The following FMN1 variants were observed in gnomAD, a reference collection of about 807,000 sequenced individuals.
The protein encoded by FMN1 is formin 1.
Under a neutral mutation model 132.4 loss-of-function variants are expected in FMN1, and 110 were observed. That is an observed-to-expected ratio of 0.83 (90% CI 0.71 to 0.97). The LOEUF (loss-of-function observed/expected upper bound fraction) is 0.97. FMN1 is among the 50% of genes least tolerant of loss of function. FMN1 has a pLI of 0.00. For synonymous variants in FMN1, 722 were observed against 651.7 expected (o/e 1.11, Z -1.64); for missense variants, 1,792 against 1,705.3 (o/e 1.05, Z -0.90).
At chr15:32,826,682 T>C (rs2058375232) in intron 17 of FMN1, among the ~76,000 whole-genome samples, 1 of 152,212 alleles carries the variant, frequency 6.6e-6, no homozygotes, top group Non-Finnish European at 1.5e-5. Context: ...CATACCCACC[T>C]AGGAGTTTGC....
At chr15:32,981,958 G>A (rs529030850) in intron 7 of FMN1, among the ~76,000 whole-genome samples, 15 of 151,904 alleles carry the variant, frequency 9.9e-5, no homozygotes, top group African/African-American at 3.1e-4. Flanking sequence ...AGCCACACAG[G>A]GAAAAAATGT....
At chr15:33,140,418 T>G (rs138586594) in intron 4 of FMN1, among the ~76,000 whole-genome samples, 1 of 152,344 alleles carries the variant, frequency 6.6e-6, no homozygotes, top group East Asian at 1.9e-4. Flanking sequence ...GTTCAGATCC[T>G]GTTTTGAAGG....
chr15:33,168,334 T>C (rs900351169), intron 3 of FMN1, among the ~76,000 whole-genome samples: 1 of 152,248 alleles, frequency 6.6e-6, no homozygotes, highest in Non-Finnish European at 1.5e-5. Context: ...GTTAACAGAT[T>C]GTGTTTATTA....
intron 17 of FMN1, among the ~76,000 whole-genome samples, chr15:32,826,165 AGT>A (rs2058360853): frequency 6.6e-6 from 1 of 152,160 alleles, no homozygotes; most frequent in South Asian, 2.1e-4. Flanking sequence ...GGGTCCCTAG[AGT>A]GTTTCTCAGA....
chr15:33,073,161 C>T (rs549912910), intron 5 of FMN1, among the ~76,000 whole-genome samples: 1 of 152,252 alleles, frequency 6.6e-6, no homozygotes, highest in East Asian at 1.9e-4. Context: ...CGCTATTACT[C>T]AGTTTGGATA....
chr15:32,812,350 T>A (rs534865196), intron 17 of FMN1, among the ~76,000 whole-genome samples: 2 of 152,340 alleles, frequency 1.3e-5, no homozygotes, highest in African/African-American at 4.8e-5. Context: ...GGCTGAGTAC[T>A]CCTTATCTGA....
chr15:33,052,480 T>C (rs577274621), intron 6 of FMN1, among the ~76,000 whole-genome samples: 2 of 152,358 alleles, frequency 1.3e-5, no homozygotes, highest in South Asian at 4.1e-4. Flanking sequence ...GTCTGATGTC[T>C]TTTTCTGACA....
intron 17 of FMN1, among the ~76,000 whole-genome samples, chr15:32,815,786 T>C (rs1228552035): frequency 6.6e-6 from 1 of 152,204 alleles, no homozygotes; most frequent in Non-Finnish European, 1.5e-5. Flanking sequence ...GTGGTAATGA[T>C]GGTGATGAAC....
intron 6 of FMN1, among the ~76,000 whole-genome samples, chr15:33,027,503 C>T (rs2035735882): frequency 6.6e-6 from 1 of 152,164 alleles, no homozygotes; most frequent in Admixed American, 6.6e-5. Flanking sequence ...TACATTTGCA[C>T]ACAGGTGGAA....
At chr15:33,134,034 G>C (rs941977752) in intron 4 of FMN1, among the ~76,000 whole-genome samples, 4 of 152,112 alleles carry the variant, frequency 2.6e-5, no homozygotes, top group African/African-American at 9.7e-5. Flanking sequence ...GCTCACTGCA[G>C]CCTTGAACTC....
chr15:32,988,282 G>C (rs191203871), intron 7 of FMN1, among the ~76,000 whole-genome samples: 5 of 152,124 alleles, frequency 3.3e-5, no homozygotes, highest in African/African-American at 7.2e-5. Context: ...CAGAGATAAA[G>C]CGTTGGGGAA....
intron 8 of FMN1, among the ~76,000 whole-genome samples, chr15:32,967,387 C>G (rs2031342446): frequency 6.6e-6 from 1 of 152,192 alleles, no homozygotes; most frequent in Non-Finnish European, 1.5e-5. Flanking sequence ...ACACACTCGT[C>G]CAGGGCTTAC....
intron 4 of FMN1, among the ~76,000 whole-genome samples, 164 bp from the exon 5 acceptor site, chr15:33,089,138 G>A (rs553354553): frequency 2.6e-5 from 4 of 151,982 alleles, no homozygotes; most frequent in South Asian, 4.2e-4. Context: ...TATTTCTCCC[G>A]ACAATTTCTA....
chr15:33,128,442 T>G (rs1472678966), intron 4 of FMN1, among the ~76,000 whole-genome samples: 2 of 152,180 alleles, frequency 1.3e-5, no homozygotes, highest in African/African-American at 4.8e-5. Context: ...CCTAAAAGAA[T>G]TTTTATTCCT....
chr15:32,893,369 CGT>C (rs148715603), intron 15 of FMN1, among the ~76,000 whole-genome samples: 28,481 of 150,148 alleles, frequency 0.19, 2,806 homozygotes, highest in East Asian at 0.22. Flanking sequence ...GTTTTGATTG[CGT>C]GTGTGTGTGT....
intron 8 of FMN1, among the ~76,000 whole-genome samples, chr15:32,968,306 G>A (rs530541586): frequency 6.6e-6 from 1 of 152,286 alleles, no homozygotes; most frequent in East Asian, 1.9e-4. Flanking sequence ...GTTGATTATA[G>A]TATTTAAAAA....
At chr15:32,902,770 C>G (rs1222341642) in intron 12 of FMN1, among the ~76,000 whole-genome samples, 1 of 152,166 alleles carries the variant, frequency 6.6e-6, no homozygotes, top group Non-Finnish European at 1.5e-5. Context: ...CACTTGTTCC[C>G]TTTGCAAAAC....
intron 17 of FMN1, among the ~76,000 whole-genome samples, chr15:32,840,836 GCA>G (rs991872089): frequency 1.3e-5 from 2 of 152,134 alleles, no homozygotes; most frequent in African/African-American, 4.8e-5. Flanking sequence ...AAGAAAATGT[GCA>G]CACACTGTTT....
chr15:33,066,963 G>A lies in FMN1; in HGVS notation c.2044-1889C>T. On this transcript the variant is annotated intron_variant, in intron 5 of 20. Transcript: ENST00000616417. ...TTCTGCACAGGCTGCGTCAATTTGA[G>A]CAAAGCTAAGTCCCCATCCTTTGGT... 3 of 1,613,962 alleles carry A rather than the reference G, an allele frequency of 1.9e-6. No individual in the cohort carries two copies. The South Asian group carries it at 3.3e-5, about 18-fold the overall frequency.
Sources: gnomAD v4.1 joint callset for allele counts (sites outside exome capture counted in the v4.1 genomes callset) on GRCh38, gnomAD v4.1.1 for gene constraint, MANE v1.5 for transcripts, NCBI Gene and HGNC (gene_info 2026-07-23, HGNC 2026-07-21) for gene names.